Variants in N4BP2L2 observed in about 807,000 individuals in gnomAD.
N4BP2L2 encodes the protein NEDD4-binding protein 2-like 2.
Under a neutral mutation model 56.2 loss-of-function variants are expected in N4BP2L2, and 50 were observed. The observed-to-expected ratio is 0.89, with a 90% CI of 0.71 to 1.13. The LOEUF (loss-of-function observed/expected upper bound fraction) is 1.13, where lower values mean the gene tolerates loss of function less well. Among genes scored for constraint, N4BP2L2 ranks in the 50% most tolerant of loss-of-function variants. The pLI, the probability that N4BP2L2 is intolerant of heterozygous loss-of-function variation, is 0.00. For synonymous variants in N4BP2L2, 203 were observed against 223.6 expected (o/e 0.91, Z 0.82); for missense variants, 689 against 693.8 (o/e 0.99, Z 0.08).
chr13:32,503,112 G>T (rs538712679), intron 6 of N4BP2L2, among the ~76,000 whole-genome samples: 1 of 139,792 alleles, frequency 7.2e-6, no homozygotes, highest in South Asian at 2.2e-4. Context: ...GGTGGAGGCT[G>T]CAGTGAGCTG....
At chr13:32,497,814 T>C (rs761615949) in intron 6 of N4BP2L2, among the ~76,000 whole-genome samples, 7 of 152,202 alleles carry the variant, frequency 4.6e-5, no homozygotes, top group Non-Finnish European at 1.0e-4. Flanking sequence ...TCCCAGTTGA[T>C]ACAATGTCCA....
At chr13:32,477,692 A>C (rs769894178) in intron 6 of N4BP2L2, 1 of 373,878 alleles carries the variant, frequency 2.7e-6, no homozygotes, top group South Asian at 2.3e-5. Context: ...TGTTCAGCCT[A>C]TCTGGAAAAA....
At chr13:32,515,520 A>C (rs551196786) in exon 6 of N4BP2L2, 1 of 152,184 alleles carries the variant, frequency 6.6e-6, no homozygotes, top group Non-Finnish European at 1.5e-5. Context: ...GTGATGCAAC[A>C]GTAGTTGGCT....
intron 1 of N4BP2L2, 115 bp from the exon 2 acceptor site, chr13:32,537,142 G>A (rs2056750821): frequency 2.6e-6 from 2 of 756,792 alleles, no homozygotes; most frequent in South Asian, 6.3e-5. Context: ...ATATTTAATG[G>A]TAACAATTTC....
intron 6 of N4BP2L2, among the ~76,000 whole-genome samples, chr13:32,499,057 C>T (rs1470653045): frequency 1.3e-5 from 2 of 151,186 alleles, no homozygotes; most frequent in East Asian, 1.9e-4. Context: ...AATACATTAC[C>T]GTTTCTTGCC....
chr13:32,528,451 C>T (rs1473921826), intron 2 of N4BP2L2, among the ~76,000 whole-genome samples: 1 of 152,164 alleles, frequency 6.6e-6, no homozygotes, highest in African/African-American at 2.4e-5. Context: ...ACTCTCAGTT[C>T]AGGTCAATGA....
At chr13:32,439,864 A>C (rs1460992964) in intron 7 of N4BP2L2, among the ~76,000 whole-genome samples, 8 of 150,866 alleles carry the variant, frequency 5.3e-5, no homozygotes, top group Admixed American at 1.3e-4. Context: ...TCCAAAAAAA[A>C]AAAAAAAAAA....
At chr13:32,498,752 C>T (rs2089339360) in intron 6 of N4BP2L2, among the ~76,000 whole-genome samples, 1 of 151,508 alleles carries the variant, frequency 6.6e-6, no homozygotes, top group African/African-American at 2.4e-5. Flanking sequence ...CCTATAATCT[C>T]AGCACTTTGG....
intron 6 of N4BP2L2, among the ~76,000 whole-genome samples, chr13:32,481,999 G>T (rs2084854369): frequency 6.6e-6 from 1 of 152,144 alleles, no homozygotes. Flanking sequence ...GAACTCTGTT[G>T]CCTATATCTT....
chr13:32,532,590 C>G (rs111800720), intron 2 of N4BP2L2, among the ~76,000 whole-genome samples: 2 of 128,396 alleles, frequency 1.6e-5, no homozygotes, highest in African/African-American at 5.8e-5. Flanking sequence ...TTTCTTTTTT[C>G]TTTTTTTTTT....
chr13:32,505,216 T>G (rs547846424), intron 6 of N4BP2L2: 106 of 152,424 alleles, frequency 7.0e-4, no homozygotes, highest in African/African-American at 2.4e-3. Flanking sequence ...CTGACCCATT[T>G]TATAGAATCT....
At chr13:32,443,847 T>C in exon 7 of N4BP2L2, 1 of 1,576,526 alleles carries the variant, frequency 6.3e-7, no homozygotes, top group Non-Finnish European at 8.6e-7. Flanking sequence ...CTTTAGGATC[T>C]TTATTTTTCC....
At chr13:32,453,156 G>C (rs987233384) in intron 6 of N4BP2L2, among the ~76,000 whole-genome samples, 1 of 152,318 alleles carries the variant, frequency 6.6e-6, no homozygotes, top group South Asian at 2.1e-4. Context: ...CTACTTGGGA[G>C]GCTGAGGCAG....
chr13:32,457,354 A>C (rs1468141769), intron 6 of N4BP2L2, among the ~76,000 whole-genome samples: 1 of 152,188 alleles, frequency 6.6e-6, no homozygotes, highest in Admixed American at 6.5e-5. Flanking sequence ...GTCTAGCAAG[A>C]GATTTAGACA....
chr13:32,460,899 T>C (rs1364414558), intron 6 of N4BP2L2, among the ~76,000 whole-genome samples: 1 of 152,152 alleles, frequency 6.6e-6, no homozygotes, highest in Non-Finnish European at 1.5e-5. Flanking sequence ...AGCATGATAT[T>C]GGTATAAAAA....
chr13:32,523,006 T>C (rs2051424477), intron 3 of N4BP2L2: 1 of 152,242 alleles, frequency 6.6e-6, no homozygotes. Context: ...CTTAGAACTA[T>C]GGTCCTCAAA....
chr13:32,444,134 A>G, intron 6 of N4BP2L2: 1 of 1,473,968 alleles, frequency 6.8e-7, no homozygotes, highest in South Asian at 1.5e-5. Flanking sequence ...TCTCTGAAAT[A>G]TTAAAGAATT....
chr13:32,516,971 T>C (rs2049366475), exon 6 of N4BP2L2: 1 of 976,672 alleles, frequency 1.0e-6, no homozygotes, highest in African/African-American at 1.8e-5. Flanking sequence ...TAATTTGCTC[T>C]ACAGAAAAAT....
exon 6 of N4BP2L2, chr13:32,517,435 T>C: frequency 1.0e-6 from 1 of 997,902 alleles, no homozygotes; most frequent in Non-Finnish European, 1.2e-6. Flanking sequence ...AACCGTAAAG[T>C]TTTATGAAAA....
Sources: gnomAD v4.1 joint callset for allele counts (sites outside exome capture counted in the v4.1 genomes callset) on GRCh38, gnomAD v4.1.1 for gene constraint, MANE v1.5 for transcripts, NCBI Gene and HGNC (gene_info 2026-07-23, HGNC 2026-07-21) for gene names.